TRIM24: variants seen among roughly 807,000 people sequenced by gnomAD.
TRIM24 encodes tripartite motif containing 24, also known as transcription intermediary factor 1-alpha.
A neutral mutation model predicts 123.9 loss-of-function variants in TRIM24; 29 were observed. That is an observed-to-expected ratio of 0.23 (90% CI 0.17 to 0.32). The LOEUF is 0.32. Among genes scored for constraint, TRIM24 ranks in the 10% least tolerant of loss-of-function variants. The probability of loss-of-function intolerance (pLI) is 1.00; values close to 1 mark genes in which losing one functional copy is unlikely to be tolerated. For synonymous variants in TRIM24, 456 were observed against 461.1 expected, an observed-to-expected ratio of 0.99 and a Z score of 0.14; for missense variants, 932 against 1,295.3, an observed-to-expected ratio of 0.72 and a Z score of 4.31.
chr7:138,494,328 A>G (rs1454248903), intron 1 of TRIM24, among the ~76,000 whole-genome samples: 1 of 151,754 alleles, frequency 6.6e-6, no homozygotes, highest in East Asian at 2.0e-4. Flanking sequence ...TGTGTTGCCC[A>G]GGCTGCTCTT....
chr7:138,573,429 G>A, intron 11 of TRIM24, 78 bp from the exon 12 acceptor site: 1 of 1,315,754 alleles, frequency 7.6e-7, no homozygotes, highest in Non-Finnish European at 1.0e-6. Context: ...TTAAGTTATT[G>A]AAGCTTTCTT....
chr7:138,535,230 T>C (rs763804836), intron 6 of TRIM24, among the ~76,000 whole-genome samples: 7 of 152,224 alleles, frequency 4.6e-5, no homozygotes, highest in Non-Finnish European at 1.0e-4. Flanking sequence ...AGGTTAATAT[T>C]GTTATGTGTG....
rs993168266 is a variant in TRIM24 at position 138,579,659 on chromosome 7, G to A, written c.2585+127G>A. Reference sequence around the variant, plus strand: ...CAAGTGTATACTCCAAAATCCCAATGAATAGTCTAGGTTTTCCCATACCCT... The same window carrying A: ...CAAGTGTATACTCCAAAATCCCAATAAATAGTCTAGGTTTTCCCATACCCT... On this transcript the variant is annotated intron_variant, in intron 15 of 18. Coordinates refer to ENST00000343526, the MANE Select transcript of TRIM24 (RefSeq NM_015905.3). The A allele has an allele frequency of 1.5e-5, 11 of 732,104 alleles. 1 individual carries two copies. The highest frequency in any genetic ancestry group is 2.4e-5 in the Non-Finnish European group (11 of 454,224). The allele number at this position is 732,104 out of a possible 1,614,324, so 45.4% of individuals were successfully genotyped here. A position where few individuals can be genotyped will look rare whatever the true frequency, so the allele number is the denominator to read the frequency against.
At chr7:138,474,890 C>T (rs894356410) in intron 1 of TRIM24, among the ~76,000 whole-genome samples, 5 of 152,170 alleles carry the variant, frequency 3.3e-5, no homozygotes, top group African/African-American at 1.2e-4. Flanking sequence ...AGATGTTCTG[C>T]AGGAAATCCT....
intron 1 of TRIM24, among the ~76,000 whole-genome samples, chr7:138,492,750 A>T (rs192581990): frequency 5.4e-4 from 83 of 152,294 alleles, no homozygotes; most frequent in Non-Finnish European, 7.9e-4. Context: ...CAGTAACAAG[A>T]TCTGAGTTTA....
At position 138,570,855 on chromosome 7, in the gene TRIM24, C is replaced by G. The variant is rs775314392; in HGVS notation, c.1730C>G (p.Thr577Ser). 9.9e-6 allele frequency: 16 copies of G among 1,613,938 alleles called. No homozygotes were observed. The African/African-American group carries it at 2.0e-4, about 20-fold the overall frequency. The change falls in exon 11 of 19, where the codon ACC (threonine) becomes AGC (serine). Residue 577 changes from threonine (T) to serine (S), a missense_variant. By Grantham distance (58) the Thr-to-Ser change is moderately conservative. Transcript: ENST00000343526. ...TGGCAGATCAGCAGTGGACAGGGAA[C>G]CCCATCAACTACCAACAGCACATCC... ...KQWQISSGQG[T>S]PSTTNSTSST...
chr7:138,552,382 A>G (rs1473196798), intron 8 of TRIM24, among the ~76,000 whole-genome samples: 1 of 152,200 alleles, frequency 6.6e-6, no homozygotes, highest in African/African-American at 2.4e-5. Context: ...TATCCTTGCA[A>G]GCAGTTCAGC....
At chr7:138,469,000 CT>C (rs1446723579) in intron 1 of TRIM24, among the ~76,000 whole-genome samples, 2 of 152,174 alleles carry the variant, frequency 1.3e-5, no homozygotes, top group Non-Finnish European at 2.9e-5. Context: ...CTGAGCTTTT[CT>C]TTCCTCATGG....
intron 1 of TRIM24, among the ~76,000 whole-genome samples, chr7:138,463,637 T>C (rs181268417): frequency 3.9e-5 from 6 of 152,350 alleles, no homozygotes; most frequent in Admixed American, 6.5e-5. Context: ...CCATGACATA[T>C]GGACTTGAAT....
At position 138,560,594 on chromosome 7, in the gene TRIM24, G is replaced by T. The variant is rs147118057; in HGVS notation, c.1530+5628G>T. 3.9e-5 allele frequency among the ~76,000 whole-genome samples: 6 copies of T among 152,322 alleles called. No individual in the cohort carries two copies. In the East Asian group the frequency reaches 1.2e-3, roughly 29 times the overall value. On this transcript the variant is annotated intron_variant, in intron 9 of 18. Coordinates refer to ENST00000343526, the MANE Select transcript of TRIM24 (RefSeq NM_015905.3). ...TAGATATTGTTTGCAAACGGCTCGGGTGATGGCAGTGAGCCACAGCACATA... is the reference window on the plus strand; with the variant it reads ...TAGATATTGTTTGCAAACGGCTCGGTTGATGGCAGTGAGCCACAGCACATA...
intron 1 of TRIM24, among the ~76,000 whole-genome samples, chr7:138,489,249 G>A (rs1051103402): frequency 4.6e-5 from 7 of 152,102 alleles, no homozygotes; most frequent in African/African-American, 1.4e-4. Context: ...GTCTGTGCAC[G>A]TGAGATGGGT....
In TRIM24 at chr7:138,460,662, C is replaced by T. The variant is rs1318859860; in HGVS notation, c.114C>T (p.Gly38=). Residue 38 remains glycine (G), a synonymous_variant, in exon 1 of 19, where the codon GGC becomes GGT. Coordinates refer to ENST00000343526, the MANE Select transcript of TRIM24 (RefSeq NM_015905.3). ...SGENEAESRQ[G]PDSERGGEAA... ...AGAACGAGGCCGAGAGTCGGCAGGG[C>T]CCGGACTCGGAGCGCGGCGGCGAGG... 3 of 1,500,192 alleles carry T rather than the reference C, an allele frequency of 2.0e-6. No individual in the cohort carries two copies. The highest frequency in any genetic ancestry group is 1.4e-5 in the African/African-American group (1 of 69,462). 92.9% of individuals were successfully genotyped at this position (1,500,192 alleles called of 1,614,324 possible).
chr7:138,570,732 G>A, intron 10 of TRIM24, 98 bp from the exon 11 acceptor site: 1 of 1,226,130 alleles, frequency 8.2e-7, no homozygotes, highest in Non-Finnish European at 1.1e-6. Flanking sequence ...GTAAATTACA[G>A]TTGAACTCTT....
chr7:138,484,509 T>A (rs1296518713), intron 1 of TRIM24, among the ~76,000 whole-genome samples: 2 of 152,096 alleles, frequency 1.3e-5, no homozygotes, highest in Non-Finnish European at 2.9e-5. Flanking sequence ...ATTGATTTTC[T>A]AATAGTAAAA....
At chr7:138,462,336 ATCT>A (rs1032270113) in intron 1 of TRIM24, among the ~76,000 whole-genome samples, 3 of 143,624 alleles carry the variant, frequency 2.1e-5, no homozygotes, top group Admixed American at 6.9e-5. Context: ...TAGTGCAAAA[ATCT>A]TTTTTTTTTT....
At chr7:138,577,623 A>C (rs1231206482) in intron 14 of TRIM24, 35 bp downstream of exon 14, 1 of 1,516,444 alleles carries the variant, frequency 6.6e-7, no homozygotes, top group South Asian at 1.3e-5. Flanking sequence ...ATTCCTATGC[A>C]TGGTGGGTAG....
At chr7:138,473,994 CT>C (rs1795342162) in intron 1 of TRIM24, among the ~76,000 whole-genome samples, 4 of 152,244 alleles carry the variant, frequency 2.6e-5, no homozygotes, top group African/African-American at 9.6e-5. Context: ...TGGTCTTGGA[CT>C]TCTGAGCTCA....
At chr7:138,509,572 C>T (rs1356092659) in intron 2 of TRIM24, among the ~76,000 whole-genome samples, 1 of 150,048 alleles carries the variant, frequency 6.7e-6, no homozygotes, top group African/African-American at 2.4e-5. Flanking sequence ...GGCATGGTGG[C>T]ACCTGCATGT....
chr7:138,486,255 A>T (rs1388919632), intron 1 of TRIM24, among the ~76,000 whole-genome samples: 1 of 152,048 alleles, frequency 6.6e-6, no homozygotes, highest in Non-Finnish European at 1.5e-5. Flanking sequence ...CAGATAGGTA[A>T]ATTGCAAAAA....
Sources: allele counts gnomAD v4.1 joint callset (sites outside exome capture counted in the v4.1 genomes callset), GRCh38; gene constraint gnomAD v4.1.1; transcripts MANE v1.5; gene names NCBI Gene and HGNC (gene_info 2026-07-23, HGNC 2026-07-21).